The following NRXN1 variants were observed in gnomAD, a reference collection of about 807,000 sequenced individuals.
NRXN1 encodes neurexin 1, also known as neurexin-1.
A neutral mutation model predicts 150.9 loss-of-function variants in NRXN1; 39 were observed. The ratio of observed to expected loss-of-function variants is 0.26; its 90% CI spans 0.20 to 0.34. NRXN1 has a LOEUF of 0.34. Among genes scored for constraint, NRXN1 ranks in the 10% least tolerant of loss-of-function variants. The pLI is 1.00. For synonymous variants in NRXN1, 924 were observed against 757.0 expected (o/e 1.22, Z -3.62); for missense variants, 1,815 against 1,949.9 (o/e 0.93, Z 1.30).
chr2:50,842,856 C>T (rs1673073862), intron 5 of NRXN1, among the ~76,000 whole-genome samples: 1 of 152,094 alleles, frequency 6.6e-6, no homozygotes, highest in Non-Finnish European at 1.5e-5. Flanking sequence ...TTTATCCTGG[C>T]TAGAAAATCA....
chr2:50,700,218 A>G (rs1200774452), intron 5 of NRXN1, among the ~76,000 whole-genome samples: 17 of 152,368 alleles, frequency 1.1e-4, no homozygotes, highest in Admixed American at 1.1e-3. Flanking sequence ...AACTGTTAGT[A>G]GTGTCAAATG....
chr2:50,966,552 A>C (rs1694121378), intron 2 of NRXN1, among the ~76,000 whole-genome samples: 1 of 151,758 alleles, frequency 6.6e-6, no homozygotes, highest in Non-Finnish European at 1.5e-5. Flanking sequence ...TTTAATGGGC[A>C]TTACATTAGA....
intron 17 of NRXN1, among the ~76,000 whole-genome samples, chr2:50,357,003 C>T (rs954579696): frequency 1.3e-5 from 2 of 151,972 alleles, no homozygotes; most frequent in Admixed American, 1.3e-4. Context: ...GAAAACTGGG[C>T]CAGGTGCTCA....
chr2:49,926,852 G>A (rs1377344429), intron 22 of NRXN1, among the ~76,000 whole-genome samples: 3 of 152,154 alleles, frequency 2.0e-5, no homozygotes, highest in Non-Finnish European at 4.4e-5. Context: ...ATATGTTTGA[G>A]ACACATTAGA....
At position 50,476,248 on chromosome 2, in the gene NRXN1, C is replaced by G. The variant is rs576923311; in HGVS notation, c.3071-3777G>C. On this transcript the variant is annotated intron_variant, in intron 15 of 22. Coordinates refer to ENST00000401669, the MANE Select transcript of NRXN1 (RefSeq NM_001330078.2). ...GTATATACACAGCCACTATGTTCCTCTCAAGAGTGTTATCTGTGAATGAAC... is the reference window on the plus strand; with the variant it reads ...GTATATACACAGCCACTATGTTCCTGTCAAGAGTGTTATCTGTGAATGAAC... 7.2e-5 allele frequency among the ~76,000 whole-genome samples: 11 copies of G among 152,192 alleles called. No homozygotes were observed. In the East Asian group the frequency reaches 2.1e-3, roughly 30 times the overall value.
intron 17 of NRXN1, among the ~76,000 whole-genome samples, chr2:50,322,297 A>T (rs964189803): frequency 6.6e-6 from 1 of 152,182 alleles, no homozygotes; most frequent in African/African-American, 2.4e-5. Context: ...GAAACCTCCA[A>T]ATACTTCGTG....
At chr2:50,689,434 T>G (rs868633486) in intron 5 of NRXN1, among the ~76,000 whole-genome samples, 29 of 152,170 alleles carry the variant, frequency 1.9e-4, no homozygotes, top group African/African-American at 6.5e-4. Flanking sequence ...CCAAGACAAT[T>G]TTACTCTAAA....
chr2:50,244,130 T>C (rs531540382), intron 17 of NRXN1, among the ~76,000 whole-genome samples: 1 of 152,088 alleles, frequency 6.6e-6, no homozygotes. Context: ...GAATTATATA[T>C]TCATAAATAC....
rs139283101 is a variant in NRXN1, at chr2:50,315,518, C to A, written c.3365-78548G>T. On this transcript the variant is annotated intron_variant, in intron 17 of 22. Transcript: ENST00000401669. ...CAAAACAAATGTGCAATATTCAAAT[C>A]TGTGGCATTGCTGGTTAACAGAAGG... Among the ~76,000 whole-genome samples the A allele has an allele frequency of 2.6e-4, 39 of 152,228 alleles. No individual in the cohort carries two copies. In the East Asian group the frequency reaches 6.8e-3, roughly 26 times the overall value.
At chr2:50,962,895 A>G in intron 2 of NRXN1, among the ~76,000 whole-genome samples, 1 of 151,752 alleles carries the variant, frequency 6.6e-6, no homozygotes, top group African/African-American at 2.4e-5. Flanking sequence ...CATGTTTAGC[A>G]TTAAAGAAAG....
intron 17 of NRXN1, among the ~76,000 whole-genome samples, chr2:50,310,558 C>T: frequency 6.6e-6 from 1 of 152,056 alleles, no homozygotes. Flanking sequence ...CATATTTTGG[C>T]CTCAAATGAC....
intron 2 of NRXN1, among the ~76,000 whole-genome samples, chr2:50,983,032 T>A (rs1697094688): frequency 1.3e-5 from 2 of 152,040 alleles, no homozygotes; most frequent in African/African-American, 4.8e-5. Context: ...TATATATAGT[T>A]CTATTAATTC....
At position 50,470,396 on chromosome 2, in the gene NRXN1, T is replaced by A. The variant is rs377607151; in HGVS notation, c.3244+1902A>T. ...CAAAATATCAAATAAAGAAATATAC[T>A]AATAACATTAAAAATGAACTCAACA... On this transcript the variant is annotated intron_variant, in intron 16 of 22. Transcript: ENST00000401669. Among the ~76,000 whole-genome samples, 4 of 151,826 alleles carry A rather than the reference T, an allele frequency of 2.6e-5. No homozygotes were observed. In the East Asian group the frequency reaches 5.8e-4, roughly 22 times the overall value.
chr2:49,974,002 T>A, intron 21 of NRXN1: 1 of 717,460 alleles, frequency 1.4e-6, no homozygotes, highest in Non-Finnish European at 2.6e-6. Context: ...CATATCCATG[T>A]CTGTCTGGCT....
chr2:50,272,606 T>G (rs768689606), intron 17 of NRXN1, among the ~76,000 whole-genome samples: 2 of 152,024 alleles, frequency 1.3e-5, no homozygotes, highest in Admixed American at 6.6e-5. Context: ...AAAAGTAGAC[T>G]AAAAGCAGGA....
intron 8 of NRXN1, among the ~76,000 whole-genome samples, chr2:50,604,704 CTCAG>C (rs1277509689): frequency 6.6e-6 from 1 of 152,120 alleles, no homozygotes; most frequent in African/African-American, 2.4e-5. Flanking sequence ...CTAAATATTT[CTCAG>C]TCACCATCCC....
chr2:50,314,312 A>G (rs146120247), intron 17 of NRXN1, among the ~76,000 whole-genome samples: 3 of 151,986 alleles, frequency 2.0e-5, no homozygotes, highest in Admixed American at 6.6e-5. Flanking sequence ...AGGGGGAAAA[A>G]TGAAGAGAGT....
At chr2:50,074,490 T>C (rs1021359730) in intron 19 of NRXN1, among the ~76,000 whole-genome samples, 37 of 152,298 alleles carry the variant, frequency 2.4e-4, no homozygotes, top group South Asian at 6.2e-4. Flanking sequence ...TTTATGAGGT[T>C]ACTTTTAAGA....
rs151065430 is a variant in NRXN1, at chr2:50,144,789, C to T, written c.3547-53295G>A. Among the ~76,000 whole-genome samples, 863 of 151,700 alleles carry T rather than the reference C, an allele frequency of 5.7e-3. 8 individuals are homozygous for T. Among genetic ancestry groups the T allele is most frequent in the African/African-American group, 0.02 (819 of 41,430 alleles). On this transcript the variant is annotated intron_variant, in intron 18 of 22. Transcript: ENST00000401669. ...AGAAATTATTAAAAATCATATTGGA[C>T]GAGTTGATTACCTATTTTTGGTTCT...
Sources: allele counts gnomAD v4.1 joint callset (sites outside exome capture counted in the v4.1 genomes callset), GRCh38; gene constraint gnomAD v4.1.1; transcripts MANE v1.5; gene names NCBI Gene and HGNC (gene_info 2026-07-23, HGNC 2026-07-21).